Variants in ECM2 observed in about 807,000 individuals in gnomAD.
ECM2 encodes extracellular matrix protein 2, also known as extracellular matrix protein 2, female organ and adipocyte specific.
Under a neutral mutation model 67.5 loss-of-function variants are expected in ECM2, and 57 were observed. The ratio of observed to expected loss-of-function variants is 0.84; its 90% CI spans 0.68 to 1.05. ECM2 has a LOEUF of 1.05. ECM2 is among the 50% of genes least tolerant of loss of function. ECM2 has a pLI of 0.00. For missense variants in ECM2, 741 were observed against 822.8 expected (o/e 0.90, Z 1.22); for synonymous variants, 258 against 294.5 (o/e 0.88, Z 1.27).
chr9:92,494,202 CTG>C, downstream of ECM2: 1 of 1,559,154 alleles, frequency 6.4e-7, no homozygotes, highest in Non-Finnish European at 8.7e-7. Flanking sequence ...GTATCTGTCT[CTG>C]TGTCATCCCA....
chr9:92,555,216 T>A, the ECM2 span, among the ~76,000 whole-genome samples: 1 of 47,490 alleles, frequency 2.1e-5, no homozygotes, highest in Non-Finnish European at 3.8e-5. Flanking sequence ...TTTTGGAAAT[T>A]TTTTTTTTTT....
At chr9:92,543,470 TCAAAAAAAAAAA>T in the ECM2 span, among the ~76,000 whole-genome samples, 1 of 34,658 alleles carries the variant, frequency 2.9e-5, no homozygotes, top group African/African-American at 1.4e-4. Flanking sequence ...AAACCCTGTC[TCAAAAAAAAAAA>T]AAAAAAAAAA....
chr9:92,541,614 A>G (rs1290679132), upstream of ECM2, among the ~76,000 whole-genome samples: 1 of 151,914 alleles, frequency 6.6e-6, no homozygotes. Flanking sequence ...TTCACTTAGC[A>G]TAATGTCCTC....
the ECM2 span, among the ~76,000 whole-genome samples, chr9:92,557,551 G>T: frequency 2.6e-5 from 4 of 152,042 alleles, no homozygotes; most frequent in South Asian, 8.3e-4. Flanking sequence ...TGTTGGACTG[G>T]GTTAATTCAA....
intron 7 of ECM2, 41 bp from the exon 8 acceptor site, chr9:92,502,693 A>C (rs750664615): frequency 6.9e-6 from 10 of 1,449,448 alleles, no homozygotes; most frequent in South Asian, 1.3e-5. Context: ...CTTTTGTGTT[A>C]GTTGATACGT....
chr9:92,525,059 C>A (rs1258667254), intron 1 of ECM2, among the ~76,000 whole-genome samples: 1 of 152,166 alleles, frequency 6.6e-6, no homozygotes, highest in Non-Finnish European at 1.5e-5. Context: ...TGCCTGTAAT[C>A]CCAGCCCTAT....
chr9:92,517,352 A>C, intron 3 of ECM2: 1 of 466,294 alleles, frequency 2.1e-6, no homozygotes, highest in Middle Eastern at 5.7e-4. Flanking sequence ...ATGCACATAT[A>C]GACCAAAGCA....
At chr9:92,557,132 G>T in the ECM2 span, among the ~76,000 whole-genome samples, 2 of 152,152 alleles carry the variant, frequency 1.3e-5, no homozygotes, top group African/African-American at 4.8e-5. Context: ...TAATTGTTTT[G>T]TTTGAGGAGT....
chr9:92,534,517 A>G (rs1448755836), intron 1 of ECM2, among the ~76,000 whole-genome samples: 3 of 152,194 alleles, frequency 2.0e-5, no homozygotes, highest in African/African-American at 7.2e-5. Flanking sequence ...AACCATTACT[A>G]TAGGTTATTG....
chr9:92,531,294 A>G (rs1046612701), intron 1 of ECM2, among the ~76,000 whole-genome samples: 1 of 152,198 alleles, frequency 6.6e-6, no homozygotes, highest in African/African-American at 2.4e-5. Flanking sequence ...AGAGATTACC[A>G]CATACATCCT....
chr9:92,500,899 A>T lies in ECM2; in HGVS notation c.1759T>A (p.Tyr587Asn). 2 of 1,614,190 alleles carry T rather than the reference A, an allele frequency of 1.2e-6. No individual in the cohort carries two copies. Among genetic ancestry groups the T allele is most frequent in the South Asian group, 2.2e-5 (2 of 91,084 alleles). Reference sequence around the variant, plus strand: ...TCAGCAAGTTTGTTAAATGACAGGTACAAGTATTCCAGGCCTGGTTCCATG... The same window carrying T: ...TCAGCAAGTTTGTTAAATGACAGGTTCAAGTATTCCAGGCCTGGTTCCATG... ...GHMEPGLEYLYLSFNKLADDG... is the reference protein window; with the variant it reads ...GHMEPGLEYLNLSFNKLADDG... Residue 587 changes from tyrosine to asparagine, a missense_variant, in exon 9 of 10, where the codon TAC (tyrosine) becomes AAC (asparagine). Transcript: ENST00000344604.
chr9:92,514,449 A>G (rs971457208), intron 4 of ECM2, among the ~76,000 whole-genome samples, 182 bp downstream of exon 4: 2 of 151,574 alleles, frequency 1.3e-5, no homozygotes, highest in Non-Finnish European at 2.9e-5. Context: ...TAATTTTTGT[A>G]TTTTTGGTAG....
chr9:92,522,211 C>G (rs756864457), intron 2 of ECM2, among the ~76,000 whole-genome samples: 1 of 151,890 alleles, frequency 6.6e-6, no homozygotes, highest in Non-Finnish European at 1.5e-5. Context: ...CTCAGCCTCC[C>G]GAGTAGCTGG....
chr9:92,540,625 G>C (rs1219806475), upstream of ECM2, among the ~76,000 whole-genome samples: 1 of 151,016 alleles, frequency 6.6e-6, no homozygotes, highest in Non-Finnish European at 1.5e-5. Context: ...ACAAAAATTA[G>C]CCGAGCATGG....
intron 3 of ECM2, 78 bp from the exon 4 acceptor site, chr9:92,515,281 G>T (rs1487775764): frequency 7.2e-7 from 1 of 1,379,742 alleles, no homozygotes; most frequent in Non-Finnish European, 9.3e-7. Context: ...TGAAAATGAG[G>T]TTAGTAAATA....
intron 4 of ECM2, among the ~76,000 whole-genome samples, chr9:92,514,124 C>CT (rs34816093): frequency 0.017 from 2,346 of 136,260 alleles, 25 homozygotes; most frequent in African/African-American, 0.026. Flanking sequence ...GAATCGTTCA[C>CT]TTTTTTTTTT....
intron 1 of ECM2, among the ~76,000 whole-genome samples, chr9:92,532,013 A>ATTTTTTTTTT: frequency 1.5e-5 from 1 of 68,946 alleles, no homozygotes; most frequent in African/African-American, 1.2e-4. Context: ...TTTTTATTTA[A>ATTTTTTTTTT]TGTTTTTTTT....
At chr9:92,508,940 G>A (rs148820454) in intron 6 of ECM2, among the ~76,000 whole-genome samples, 93 of 152,050 alleles carry the variant, frequency 6.1e-4, no homozygotes, top group African/African-American at 2.2e-3. Flanking sequence ...AGACTATTAG[G>A]AAGATAAAAA....
At chr9:92,545,831 A>T in the ECM2 span, among the ~76,000 whole-genome samples, 1 of 151,660 alleles carries the variant, frequency 6.6e-6, no homozygotes, top group Admixed American at 6.6e-5. Flanking sequence ...CAATCAGCAC[A>T]CTGTGTCTAG....
Sources: allele counts gnomAD v4.1 joint callset (sites outside exome capture counted in the v4.1 genomes callset), GRCh38; gene constraint gnomAD v4.1.1; transcripts MANE v1.5; gene names NCBI Gene and HGNC (gene_info 2026-07-23, HGNC 2026-07-21).